QTMAN: variants seen among roughly 807,000 people sequenced by gnomAD.
QTMAN encodes queuosine-tRNA mannosyltransferase, also known as tRNA-queuosine alpha-mannosyltransferase.
At chr2:144,315,657 AG>A in the QTMAN span, among the ~76,000 whole-genome samples, 1 of 152,222 alleles carries the variant, frequency 6.6e-6, no homozygotes, top group South Asian at 2.1e-4. Flanking sequence ...AAAACTTTCT[AG>A]GACTATTGTA....
At chr2:144,037,978 G>A in the QTMAN span, among the ~76,000 whole-genome samples, 2 of 152,190 alleles carry the variant, frequency 1.3e-5, no homozygotes, top group South Asian at 4.1e-4. Context: ...TCAAATCTCA[G>A]CTCTGCCACT....
At chr2:144,235,097 C>G in the QTMAN span, among the ~76,000 whole-genome samples, 67 of 152,136 alleles carry the variant, frequency 4.4e-4, no homozygotes, top group Non-Finnish European at 9.4e-4. Context: ...GATGGTATTA[C>G]TGCATGGGAC....
the QTMAN span, among the ~76,000 whole-genome samples, chr2:144,172,398 A>G: frequency 3.9e-4 from 59 of 152,088 alleles, no homozygotes; most frequent in African/African-American, 1.4e-3. Flanking sequence ...AGATGGGCAG[A>G]TCACTTGAGC....
chr2:144,311,958 T>C, the QTMAN span, among the ~76,000 whole-genome samples: 1 of 152,194 alleles, frequency 6.6e-6, no homozygotes, highest in African/African-American at 2.4e-5. Flanking sequence ...TGAACAAAAA[T>C]CCTATTGAAC....
At chr2:144,261,080 C>T in the QTMAN span, among the ~76,000 whole-genome samples, 7 of 152,278 alleles carry the variant, frequency 4.6e-5, no homozygotes, top group South Asian at 2.1e-4. Context: ...TTCTACTTCA[C>T]GCTATTCTCC....
chr2:144,227,421 G>C, the QTMAN span, among the ~76,000 whole-genome samples: 4 of 151,960 alleles, frequency 2.6e-5, no homozygotes, highest in East Asian at 5.8e-4. Flanking sequence ...TGTCCCCTTA[G>C]CAATAACAAA....
At chr2:143,995,134 T>A in the QTMAN span, among the ~76,000 whole-genome samples, 2 of 152,146 alleles carry the variant, frequency 1.3e-5, no homozygotes, top group Admixed American at 1.3e-4. Context: ...ATACTCTAAC[T>A]AACAATCATA....
chr2:144,272,396 A>G, the QTMAN span, among the ~76,000 whole-genome samples: 1 of 152,228 alleles, frequency 6.6e-6, no homozygotes, highest in Admixed American at 6.5e-5. Context: ...CTCAACAATT[A>G]TAATTTATTC....
the QTMAN span, among the ~76,000 whole-genome samples, chr2:144,219,228 T>C: frequency 6.6e-6 from 1 of 152,138 alleles, no homozygotes; most frequent in Non-Finnish European, 1.5e-5. Context: ...CCTACTAGGT[T>C]CAAGTGATTC....
the QTMAN span, among the ~76,000 whole-genome samples, chr2:144,052,269 G>A: frequency 6.6e-5 from 10 of 152,188 alleles, no homozygotes; most frequent in Non-Finnish European, 1.5e-4. Flanking sequence ...GAAATACAAG[G>A]GTGTTTGTGA....
chr2:143,958,291 G>A, the QTMAN span, among the ~76,000 whole-genome samples: 538 of 152,042 alleles, frequency 3.5e-3, 4 homozygotes, highest in Middle Eastern at 0.041. Context: ...TGAGAGTTTA[G>A]GCAATAAATC....
At chr2:144,243,480 AT>A in the QTMAN span, among the ~76,000 whole-genome samples, 2 of 152,214 alleles carry the variant, frequency 1.3e-5, no homozygotes, top group Non-Finnish European at 2.9e-5. Flanking sequence ...GAATGATAGC[AT>A]TTTGCAAACA....
chr2:144,075,322 G>A, the QTMAN span, among the ~76,000 whole-genome samples: 1 of 152,192 alleles, frequency 6.6e-6, no homozygotes, highest in Non-Finnish European at 1.5e-5. Context: ...CATGTTAAAA[G>A]CGTCACTTTT....
At chr2:144,292,420 GAACT>G in the QTMAN span, among the ~76,000 whole-genome samples, 1 of 152,012 alleles carries the variant, frequency 6.6e-6, no homozygotes, top group Non-Finnish European at 1.5e-5. Flanking sequence ...TATCTTTTAA[GAACT>G]AATACAATTT....
chr2:144,182,840 TTATATATATATTTTATATATAA>T, the QTMAN span, among the ~76,000 whole-genome samples: 5 of 64,524 alleles, frequency 7.7e-5, no homozygotes, highest in East Asian at 4.8e-4. Context: ...TATATATATA[TTATATATATATTTTATATATAA>T]TATATATATA....
the QTMAN span, among the ~76,000 whole-genome samples, chr2:144,013,717 T>C: frequency 2.0e-5 from 3 of 152,066 alleles, no homozygotes; most frequent in African/African-American, 4.8e-5. Flanking sequence ...AATAAATAAG[T>C]TTTCCAAAAC....
chr2:144,182,828 A>AATATATATATATTATATATAAT, the QTMAN span, among the ~76,000 whole-genome samples: 3 of 67,212 alleles, frequency 4.5e-5, no homozygotes, highest in Non-Finnish European at 7.9e-5. Flanking sequence ...TTATATATAT[A>AATATATATATATTATATATAAT]ATATATATAT....
At chr2:144,192,943 G>A in the QTMAN span, among the ~76,000 whole-genome samples, 1 of 152,128 alleles carries the variant, frequency 6.6e-6, no homozygotes, top group African/African-American at 2.4e-5. Flanking sequence ...TAAAATTAAT[G>A]TGAGAAATAT....
chr2:144,011,436 A>G, the QTMAN span, among the ~76,000 whole-genome samples: 1 of 152,154 alleles, frequency 6.6e-6, no homozygotes, highest in South Asian at 2.1e-4. Flanking sequence ...ATAGAAATCA[A>G]AAAAACTTTA....
Sources: gnomAD v4.1 joint callset for allele counts (sites outside exome capture counted in the v4.1 genomes callset) on GRCh38, gnomAD v4.1.1 for gene constraint, MANE v1.5 for transcripts, NCBI Gene and HGNC (gene_info 2026-07-23, HGNC 2026-07-21) for gene names.